Variants in KAZN observed in about 807,000 individuals in gnomAD.
KAZN encodes the protein kazrin.
Under a neutral mutation model 87.4 loss-of-function variants are expected in KAZN, and 40 were observed. The ratio of observed to expected loss-of-function variants is 0.46; its 90% CI spans 0.36 to 0.60. KAZN has a LOEUF of 0.60. Ranked by LOEUF, KAZN falls within the 20% of genes least tolerant of loss-of-function variation. KAZN has a pLI of 0.00. For missense variants in KAZN, 898 were observed against 1,073.9 expected, an observed-to-expected ratio of 0.84 and a Z score of 2.29; for synonymous variants, 466 against 458.3, an observed-to-expected ratio of 1.02 and a Z score of -0.22.
At position 15,112,472 on chromosome 1, in the gene KAZN, C is replaced by T. The variant is rs1339308381; in HGVS notation, c.2094C>T (p.Gly698=). The part of the protein sequence containing the change: ...REAERFGTPP[G]RASSVTRAGK... The stretch of plus-strand genomic sequence containing the variant: ...CTGAGCGTTTTGGAACGCCCCCTGG[C>T]AGGGCCTCCAGCGTCACGCGGGCAG... Residue 698 remains glycine (G), a synonymous_variant, in exon 14 of 15, where the codon GGC becomes GGT. Coordinates refer to ENST00000376030, the MANE Select transcript of KAZN (RefSeq NM_201628.3). The T allele has an allele frequency of 6.2e-7, 1 of 1,606,170 alleles. No homozygotes were observed. The highest frequency in any genetic ancestry group is 1.4e-5 in the African/African-American group (1 of 74,060).
At chr1:14,210,574 T>C (rs912612758) in intron 2 of KAZN, among the ~76,000 whole-genome samples, 2 of 152,182 alleles carry the variant, frequency 1.3e-5, no homozygotes, top group African/African-American at 4.8e-5. Context: ...ATTCTCAAAC[T>C]TTTTGGTTAG....
rs543738949 is a variant in KAZN, at chr1:15,057,088, G to A, written c.916+808G>A. On this transcript the variant is annotated intron_variant, in intron 5 of 14. Coordinates refer to ENST00000376030, the MANE Select transcript of KAZN (RefSeq NM_201628.3). ...GTCAGACACAGCCCTGACCTACAAG[G>A]GCCTGGCAGGCTGATCAGGGAGATG... 1.6e-4 allele frequency among the ~76,000 whole-genome samples: 25 copies of A among 152,372 alleles called. No individual in the cohort carries two copies. In the South Asian group the frequency reaches 2.3e-3, roughly 14 times the overall value.
intron 2 of KAZN, among the ~76,000 whole-genome samples, chr1:14,218,956 T>C (rs1043234087): frequency 6.6e-6 from 1 of 152,164 alleles, no homozygotes; most frequent in Non-Finnish European, 1.5e-5. Context: ...ATGGCTGTGA[T>C]AGAAGAATAC....
intron 2 of KAZN, among the ~76,000 whole-genome samples, chr1:14,243,550 A>G (rs1262578715): frequency 6.6e-6 from 1 of 152,220 alleles, no homozygotes; most frequent in Admixed American, 6.5e-5. Flanking sequence ...AAGGTAGGTG[A>G]GCAGGAAACA....
intron 1 of KAZN, among the ~76,000 whole-genome samples, chr1:14,099,355 C>T (rs1644198713): frequency 2.0e-5 from 3 of 152,124 alleles, no homozygotes; most frequent in Non-Finnish European, 4.4e-5. Flanking sequence ...ATTTTTCTTT[C>T]TCTCTTCCTT....
At chr1:14,566,336 A>G (rs986760255) in intron 2 of KAZN, among the ~76,000 whole-genome samples, 1 of 152,240 alleles carries the variant, frequency 6.6e-6, no homozygotes, top group Non-Finnish European at 1.5e-5. Context: ...AATGCACTTA[A>G]AATATTCAGT....
At chr1:14,635,154 G>C (rs750771503) in intron 1 of KAZN, among the ~76,000 whole-genome samples, 16 of 152,228 alleles carry the variant, frequency 1.1e-4, no homozygotes, top group Non-Finnish European at 1.9e-4. Flanking sequence ...GCTTTGCGTT[G>C]CTGTTAATTC....
chr1:14,444,872 G>A (rs1030088319), intron 2 of KAZN, among the ~76,000 whole-genome samples: 2 of 152,128 alleles, frequency 1.3e-5, no homozygotes, highest in African/African-American at 4.8e-5. Flanking sequence ...GTTACAAATA[G>A]TTTCATGTTA....
At chr1:14,159,448 A>G (rs774208452) in intron 1 of KAZN, among the ~76,000 whole-genome samples, 1 of 151,628 alleles carries the variant, frequency 6.6e-6, no homozygotes, top group Non-Finnish European at 1.5e-5. Flanking sequence ...AGGCTCAAGG[A>G]CTCTTTCATC....
At chr1:14,291,924 C>T (rs2100749147) in intron 2 of KAZN, among the ~76,000 whole-genome samples, 1 of 152,272 alleles carries the variant, frequency 6.6e-6, no homozygotes, top group South Asian at 2.1e-4. Context: ...CTCCTTCTAC[C>T]ATGATTGTAA....
At position 14,960,808 on chromosome 1, in the gene KAZN, C is replaced by A; in HGVS notation, c.351C>A (p.Ala117=). 6.2e-7 allele frequency: 1 copy of A among 1,613,068 alleles called. No individual in the cohort carries two copies. The highest frequency in any genetic ancestry group is 8.5e-7 in the Non-Finnish European group (1 of 1,179,772). Residue 117 remains alanine, a synonymous_variant, in exon 2 of 15, where the codon GCC becomes GCA. Transcript: ENST00000376030. ...GCAAGTCCTCTGAGGTCCTCTCGGC[C>A]ACCGAGCTCAGGGTCCAGCTGGCCC... ...QGGKSSEVLS[A]TELRVQLAQK...
rs75619775 is a variant in KAZN, at chr1:13,966,561, C to T, written c.91+72805C>T. 6.3e-3 allele frequency among the ~76,000 whole-genome samples: 953 copies of T among 152,252 alleles called. 8 individuals carry two copies. Among genetic ancestry groups the T allele is most frequent in the Non-Finnish European group, 0.01 (698 of 68,016 alleles). On this transcript the variant is annotated intron_variant, in intron 1 of 16. Transcript: ENST00000636203. ...GTGACCTGACATCTCTGGGGCCACA[C>T]GGCTGGTGAGTGGTGACGCCAGGAT...
At chr1:14,962,881 A>G (rs2101789602) in intron 2 of KAZN, among the ~76,000 whole-genome samples, 1 of 152,150 alleles carries the variant, frequency 6.6e-6, no homozygotes. Flanking sequence ...CACTTACACT[A>G]CCATCCCCAG....
intron 1 of KAZN, among the ~76,000 whole-genome samples, chr1:13,901,175 A>T (rs1639237241): frequency 6.6e-6 from 1 of 152,186 alleles, no homozygotes; most frequent in Non-Finnish European, 1.5e-5. Flanking sequence ...ATGTTTAAAG[A>T]AGGGCCCTCA....
At chr1:15,003,842 G>A (rs1238034846) in intron 2 of KAZN, among the ~76,000 whole-genome samples, 3 of 152,138 alleles carry the variant, frequency 2.0e-5, no homozygotes, top group African/African-American at 7.2e-5. Context: ...TCTCTTAGGT[G>A]GAGACCTGGG....
At chr1:14,984,840 A>G (rs1214538510) in intron 2 of KAZN, among the ~76,000 whole-genome samples, 1 of 152,180 alleles carries the variant, frequency 6.6e-6, no homozygotes, top group Non-Finnish European at 1.5e-5. Flanking sequence ...CCAATAAAAT[A>G]ATAAAAGAAA....
intron 2 of KAZN, among the ~76,000 whole-genome samples, chr1:14,565,070 A>G (rs530476438): frequency 2.6e-3 from 399 of 152,310 alleles, no homozygotes; most frequent in Non-Finnish European, 4.3e-3. Context: ...AAAATAAAGA[A>G]CATTGGCCTA....
chr1:14,367,315 C>G (rs1440879338), intron 2 of KAZN, among the ~76,000 whole-genome samples: 2 of 152,108 alleles, frequency 1.3e-5, no homozygotes, highest in Non-Finnish European at 2.9e-5. Context: ...GTCCGGCTAC[C>G]TGCAGCCAGA....
chr1:14,998,035 T>C (rs10927624), intron 2 of KAZN, among the ~76,000 whole-genome samples: 1 of 151,554 alleles, frequency 6.6e-6, no homozygotes, highest in Non-Finnish European at 1.5e-5. Flanking sequence ...TTTGGTTTTG[T>C]CATGAGGCAG....
Sources: allele counts gnomAD v4.1 joint callset (sites outside exome capture counted in the v4.1 genomes callset), GRCh38; gene constraint gnomAD v4.1.1; transcripts MANE v1.5; gene names NCBI Gene and HGNC (gene_info 2026-07-23, HGNC 2026-07-21).